MAST4: variants seen among roughly 807,000 people sequenced by gnomAD.
MAST4 encodes microtubule associated serine/threonine kinase family member 4, also known as microtubule-associated serine/threonine-protein kinase 4.
MAST4 carries 89 observed loss-of-function variants against 162.7 expected under a neutral mutation model. The ratio of observed to expected loss-of-function variants is 0.55; its 90% CI spans 0.46 to 0.65. MAST4 has a LOEUF of 0.65. MAST4 is among the 30% of genes least tolerant of loss of function. MAST4 has a pLI of 0.00. For synonymous variants in MAST4, 1,479 were observed against 1,361.1 expected, an observed-to-expected ratio of 1.09 and a Z score of -1.91; for missense variants, 3,153 against 3,374.0, an observed-to-expected ratio of 0.93 and a Z score of 1.62.
At chr5:66,826,609 C>T (rs192841874) in intron 3 of MAST4, among the ~76,000 whole-genome samples, 34 of 152,212 alleles carry the variant, frequency 2.2e-4, no homozygotes, top group African/African-American at 8.2e-4. Context: ...CCACCACCCC[C>T]CCCAATCCCC....
In MAST4 at chr5:67,110,111, C is replaced by A; in HGVS notation, c.1370C>A (p.Ser457Ter). 1 of 1,612,922 alleles carries A rather than the reference C, an allele frequency of 6.2e-7. No individual in the cohort carries two copies. The highest frequency in any genetic ancestry group is 1.1e-5 in the South Asian group (1 of 91,042). ...DKLLQEAHDR[S>*]ESGELAFIKQ... ...GCTTTTTCATAGGCTCATGATCGTT[C>A]AGAAAGTGGAGAATTGGCATTTATT... The change falls in exon 11 of 29, where the codon TCA (serine) becomes TAA (stop). Residue 457 changes from serine (S) to a stop codon, truncating the protein, a stop_gained. Transcript: ENST00000403625. LOFTEE classifies it high-confidence loss of function.
intron 3 of MAST4, among the ~76,000 whole-genome samples, chr5:66,864,661 A>G (rs27990): frequency 0.32 from 47,463 of 148,650 alleles, 7,828 homozygotes; most frequent in East Asian, 0.54. Context: ...CCGAAAATAC[A>G]TGGAAGTCCT....
At chr5:67,144,372 C>T (rs1252632365) in intron 21 of MAST4, among the ~76,000 whole-genome samples, 1 of 152,074 alleles carries the variant, frequency 6.6e-6, no homozygotes, top group Non-Finnish European at 1.5e-5. Context: ...TCCACTGCAT[C>T]TGTGGATTTT....
At chr5:67,064,819 A>C (rs748114807) in intron 5 of MAST4, among the ~76,000 whole-genome samples, 1 of 151,394 alleles carries the variant, frequency 6.6e-6, no homozygotes, top group Non-Finnish European at 1.5e-5. Flanking sequence ...GATTCTTATA[A>C]ATTTTAGAGA....
chr5:66,602,500 C>T (rs1302039162), intron 1 of MAST4, among the ~76,000 whole-genome samples: 1 of 151,726 alleles, frequency 6.6e-6, no homozygotes, highest in African/African-American at 2.4e-5. Flanking sequence ...GTGCAGGAGT[C>T]CAGGCGGATT....
intron 3 of MAST4, among the ~76,000 whole-genome samples, chr5:66,855,566 C>T (rs1759619788): frequency 6.6e-6 from 1 of 152,106 alleles, no homozygotes; most frequent in African/African-American, 2.4e-5. Flanking sequence ...GGGATGTTGT[C>T]AAGAAGCAGG....
chr5:66,759,799 A>G lies in MAST4; in HGVS notation c.454A>G (p.Lys152Glu). ...ASGPGKSLKY[K>E]RQLSEDGRQL... ...TGGCCCTGGAAAATCACTGAAGTAT[A>G]AAAGACAGCTGAGTGAGGATGGAAG... is the stretch of plus-strand genomic sequence containing the variant. The change falls in exon 2 of 29, where the codon AAA becomes GAA. Residue 152 changes from lysine to glutamate, a missense_variant. Lys to Glu is a moderately conservative substitution (Grantham distance 56). Transcript: ENST00000403625. 6.2e-7 allele frequency: 1 copy of G among 1,613,966 alleles called. No individual in the cohort carries two copies. The highest frequency in any genetic ancestry group is 1.1e-5 in the South Asian group (1 of 91,070).
intron 3 of MAST4, among the ~76,000 whole-genome samples, chr5:66,871,123 G>A (rs1385814476): frequency 6.6e-6 from 1 of 150,528 alleles, no homozygotes; most frequent in Non-Finnish European, 1.5e-5. Context: ...ACCCTGGCCA[G>A]TTTCCGGTAC....
rs1227485756 is a variant in MAST4, at chr5:67,078,911, A to AATAAATATATATATATAT, written c.764-11248_764-11247insAATATATATATATATATA. On this transcript the variant is annotated intron_variant, in intron 5 of 28. Transcript: ENST00000403625. ...TTATATATTTATATATTTTTATATA[A>AATAAATATATATATATAT]ATATATATATATATATATATATATA... Among the ~76,000 whole-genome samples, 12 of 38,104 alleles carry AATAAATATATATATATAT rather than the reference A, an allele frequency of 3.1e-4. 2 individuals are homozygous for AATAAATATATATATATAT. Among genetic ancestry groups the AATAAATATATATATATAT allele is most frequent in the East Asian group, 8.2e-4 (1 of 1,214 alleles). 25.0% of individuals were successfully genotyped at this position (38,104 alleles called of 152,430 possible). A position where few individuals can be genotyped will look rare whatever the true frequency, so the allele number is the denominator to read the frequency against.
chr5:66,693,890 A>G lies in MAST4; in HGVS notation c.364-65819A>G, dbSNP rs149689809. 4.1e-3 allele frequency among the ~76,000 whole-genome samples: 631 copies of G among 152,316 alleles called. 1 individual carries two copies. The highest frequency in any genetic ancestry group is 6.2e-3 in the Non-Finnish European group (424 of 68,022). ...TACCCAAAGTTGTAGTGATCACACAAAAAAAGCTTTATACAAGGGGAGGGA... is the reference window on the plus strand; with the variant it reads ...TACCCAAAGTTGTAGTGATCACACAGAAAAAGCTTTATACAAGGGGAGGGA... On this transcript the variant is annotated intron_variant, in intron 1 of 28. Coordinates refer to ENST00000403625, the MANE Select transcript of MAST4 (RefSeq NM_001164664.2).
At chr5:67,037,613 A>G (rs152636) in intron 4 of MAST4, among the ~76,000 whole-genome samples, 19,743 of 152,196 alleles carry the variant, frequency 0.13, 1,410 homozygotes, top group Middle Eastern at 0.21. Context: ...CTTCATTTCT[A>G]TACAAATTGA....
chr5:67,005,391 G>A (rs909159743), intron 4 of MAST4, among the ~76,000 whole-genome samples: 1 of 152,212 alleles, frequency 6.6e-6, no homozygotes, highest in African/African-American at 2.4e-5. Flanking sequence ...GTCTAAGTCT[G>A]TCCCTTTGAC....
At chr5:66,926,227 TAG>T (rs1764880242) in intron 4 of MAST4, among the ~76,000 whole-genome samples, 1 of 152,078 alleles carries the variant, frequency 6.6e-6, no homozygotes, top group African/African-American at 2.4e-5. Flanking sequence ...AAGTAAAAAA[TAG>T]ATATCAGCTG....
At chr5:67,051,550 G>A (rs1408649876) in intron 4 of MAST4, among the ~76,000 whole-genome samples, 2 of 152,102 alleles carry the variant, frequency 1.3e-5, no homozygotes, top group Admixed American at 1.3e-4. Context: ...TGGGAATCAG[G>A]TACTTAGAGT....
chr5:66,607,761 C>G (rs74777610), intron 1 of MAST4, among the ~76,000 whole-genome samples: 3,432 of 152,196 alleles, frequency 0.023, 132 homozygotes, highest in African/African-American at 0.076. Context: ...TCCTTCTTAG[C>G]TACAGTTTTT....
chr5:66,962,071 G>A lies in MAST4; in HGVS notation c.674+62089G>A, dbSNP rs140753435. On this transcript the variant is annotated intron_variant, in intron 4 of 28. Transcript: ENST00000403625. ...CCAAGTCTCAATTATCCATATAATG[G>A]GAGACAAGGATGGCATTTAGGATTT... Among the ~76,000 whole-genome samples, 110 of 152,198 alleles carry A rather than the reference G, an allele frequency of 7.2e-4. No homozygotes were observed. The Middle Eastern group carries it at 0.017, about 24-fold the overall frequency.
intron 3 of MAST4, among the ~76,000 whole-genome samples, chr5:66,799,276 C>G (rs1258777923): frequency 1.5e-4 from 23 of 152,184 alleles, no homozygotes; most frequent in Admixed American, 1.5e-3. Flanking sequence ...CACACTGCCT[C>G]TTCCTTGCCC....
intron 1 of MAST4, among the ~76,000 whole-genome samples, chr5:66,749,727 T>A (rs1166189147): frequency 6.6e-6 from 1 of 152,246 alleles, no homozygotes; most frequent in Non-Finnish European, 1.5e-5. Flanking sequence ...GATAGATATT[T>A]ATTGTTACTA....
intron 23 of MAST4, among the ~76,000 whole-genome samples, chr5:67,145,588 A>C (rs570051353): frequency 6.6e-6 from 1 of 152,322 alleles, no homozygotes; most frequent in South Asian, 2.1e-4. Context: ...TCGGCCATGC[A>C]GCAAACTGTT....
Sources: gnomAD v4.1 joint callset for allele counts (sites outside exome capture counted in the v4.1 genomes callset) on GRCh38, gnomAD v4.1.1 for gene constraint, MANE v1.5 for transcripts, NCBI Gene and HGNC (gene_info 2026-07-23, HGNC 2026-07-21) for gene names.